Variants in FGF14 observed in about 807,000 individuals in gnomAD.
FGF14 encodes fibroblast growth factor 14, also known as fibroblast growth factor homologous factor 4.
In FGF14, 5 loss-of-function variants were observed where a neutral mutation model predicts 25.5. That is an observed-to-expected ratio of 0.20 (90% CI 0.10 to 0.41). FGF14 has a LOEUF of 0.41. FGF14 is among the 10% of genes least tolerant of loss of function. The pLI, the probability that FGF14 is intolerant of heterozygous loss-of-function variation, is 1.00. For synonymous variants in FGF14, 138 were observed against 118.3 expected (o/e 1.17, Z -1.08); for missense variants, 222 against 320.1 (o/e 0.69, Z 2.34).
chr13:101,735,226 G>C (rs751903895), intron 3 of FGF14, among the ~76,000 whole-genome samples: 1 of 152,122 alleles, frequency 6.6e-6, no homozygotes, highest in Admixed American at 6.6e-5. Flanking sequence ...ATATGCATAC[G>C]CTTATTGTTT....
At chr13:101,777,934 AG>A (rs1406644843) in intron 3 of FGF14, among the ~76,000 whole-genome samples, 6 of 152,180 alleles carry the variant, frequency 3.9e-5, no homozygotes, top group South Asian at 2.1e-4. Context: ...ATTGCACTCC[AG>A]CCTGGGTGAC....
chr13:102,338,325 C>T (rs561119091), intron 1 of FGF14, among the ~76,000 whole-genome samples: 2 of 152,142 alleles, frequency 1.3e-5, no homozygotes, highest in African/African-American at 2.4e-5. Context: ...CCATGCCCCC[C>T]CTTCTGCCCA....
chr13:101,952,604 T>C (rs377144126), intron 1 of FGF14, among the ~76,000 whole-genome samples: 4 of 152,214 alleles, frequency 2.6e-5, no homozygotes, highest in South Asian at 4.1e-4. Context: ...CCTGCCTTCA[T>C]AGAGCTCTTT....
chr13:101,900,322 A>C (rs909959205), intron 1 of FGF14, among the ~76,000 whole-genome samples: 12 of 152,156 alleles, frequency 7.9e-5, no homozygotes, highest in African/African-American at 2.9e-4. Flanking sequence ...AAAAACAAAT[A>C]ATAAAATTAA....
intron 1 of FGF14, among the ~76,000 whole-genome samples, chr13:101,909,428 G>A (rs2032649048): frequency 6.6e-6 from 1 of 152,150 alleles, no homozygotes; most frequent in Non-Finnish European, 1.5e-5. Context: ...TAAAGTGGGT[G>A]AAGGATATGA....
At chr13:102,358,367 T>C (rs2057473895) in intron 1 of FGF14, among the ~76,000 whole-genome samples, 2 of 152,246 alleles carry the variant, frequency 1.3e-5, no homozygotes, top group South Asian at 4.1e-4. Context: ...AAAGATTTTA[T>C]ATTCCAATAC....
chr13:102,107,185 C>T (rs888266469), intron 1 of FGF14, among the ~76,000 whole-genome samples: 1 of 151,960 alleles, frequency 6.6e-6, no homozygotes, highest in African/African-American at 2.4e-5. Context: ...TTTAAAAAAA[C>T]GAATTAAACA....
intron 2 of FGF14, 63 bp downstream of exon 2, chr13:101,875,123 T>G: frequency 9.2e-7 from 1 of 1,089,722 alleles, no homozygotes; most frequent in Non-Finnish European, 1.4e-6. Context: ...TCTTAAAAAG[T>G]CATTTAAGTA....
chr13:101,730,339 A>G (rs2035726745), intron 3 of FGF14, among the ~76,000 whole-genome samples: 1 of 152,212 alleles, frequency 6.6e-6, no homozygotes, highest in African/African-American at 2.4e-5. Flanking sequence ...TAGTATTAAT[A>G]TTACAAATAG....
intron 1 of FGF14, among the ~76,000 whole-genome samples, chr13:101,884,062 C>CA (rs11315735): frequency 0.074 from 2,802 of 37,728 alleles, 218 homozygotes; most frequent in East Asian, 0.26. Flanking sequence ...GACTCCATCT[C>CA]AAAAAAAAAA....
intron 1 of FGF14, among the ~76,000 whole-genome samples, chr13:102,334,811 T>C (rs934686815): frequency 3.9e-5 from 6 of 152,204 alleles, no homozygotes; most frequent in Non-Finnish European, 8.8e-5. Context: ...ATGTGAAGGA[T>C]GTCCTAGATT....
At chr13:101,799,377 T>G (rs143342578) in intron 3 of FGF14, among the ~76,000 whole-genome samples, 2,287 of 152,164 alleles carry the variant, frequency 0.015, 28 homozygotes, top group Middle Eastern at 0.027. Context: ...TTCACTCTTT[T>G]CCAGACTCAG....
intron 1 of FGF14, among the ~76,000 whole-genome samples, chr13:101,958,900 C>A (rs185198013): frequency 7.7e-4 from 118 of 152,304 alleles, no homozygotes; most frequent in Admixed American, 1.5e-3. Flanking sequence ...TTATCAATTG[C>A]ATTTCTATCC....
intron 1 of FGF14, among the ~76,000 whole-genome samples, chr13:101,948,846 GA>G (rs1286413215): frequency 9.9e-5 from 15 of 152,040 alleles, no homozygotes; most frequent in African/African-American, 3.6e-4. Flanking sequence ...ACTTTGCCTT[GA>G]ATTTTTTAAA....
chr13:102,161,697 G>GTACCTC (rs1566765920), intron 1 of FGF14, among the ~76,000 whole-genome samples: 1 of 117,398 alleles, frequency 8.5e-6, no homozygotes. Context: ...AGAAGAAGAA[G>GTACCTC]AAGAAGAAGA....
At chr13:102,384,389 A>C (rs1336767836) in intron 1 of FGF14, among the ~76,000 whole-genome samples, 2 of 152,312 alleles carry the variant, frequency 1.3e-5, no homozygotes, top group African/African-American at 4.8e-5. Flanking sequence ...CTGGAAGGCA[A>C]ATCAACTCAA....
intron 1 of FGF14, among the ~76,000 whole-genome samples, chr13:102,025,789 C>A (rs567062241): frequency 1.3e-5 from 2 of 151,988 alleles, no homozygotes; most frequent in African/African-American, 4.8e-5. Context: ...CTTAACTTCA[C>A]TTTCAGATTT....
chr13:101,769,514 G>A lies in FGF14; in HGVS notation c.409-42704C>T, dbSNP rs1318496058. 2.6e-5 allele frequency among the ~76,000 whole-genome samples: 4 copies of A among 152,182 alleles called. No individual in the cohort carries two copies. In the East Asian group the frequency reaches 5.8e-4, roughly 22 times the overall value. On this transcript the variant is annotated intron_variant, in intron 3 of 4. Coordinates refer to ENST00000376143, the MANE Select transcript of FGF14 (RefSeq NM_004115.4). ...CGAAAACCTGCATGCAAATATCTAT[G>A]GCAGCTGCATTCATAATTTGCCAAA...
At chr13:102,308,878 G>A (rs535965064) in intron 1 of FGF14, among the ~76,000 whole-genome samples, 17 of 145,962 alleles carry the variant, frequency 1.2e-4, no homozygotes, top group South Asian at 4.4e-4. Context: ...TCCAGACTTC[G>A]GAGCCACTTT....
Sources: allele counts gnomAD v4.1 joint callset (sites outside exome capture counted in the v4.1 genomes callset), GRCh38; gene constraint gnomAD v4.1.1; transcripts MANE v1.5; gene names NCBI Gene and HGNC (gene_info 2026-07-23, HGNC 2026-07-21).